The following GPC6 variants were observed in gnomAD, a reference collection of about 807,000 sequenced individuals.
The protein encoded by GPC6 is glypican-6.
In GPC6, 14 loss-of-function variants were observed where a neutral mutation model predicts 55.2. That is an observed-to-expected ratio of 0.25 (90% CI 0.17 to 0.40). GPC6 has a LOEUF of 0.40. Ranked by LOEUF, GPC6 falls within the 10% of genes least tolerant of loss-of-function variation. GPC6 has a pLI of 1.00. For synonymous variants in GPC6, 278 were observed against 259.6 expected (o/e 1.07, Z -0.68); for missense variants, 641 against 708.5 (o/e 0.90, Z 1.08).
At chr13:93,278,425 T>G (rs1360744397) in intron 1 of GPC6, among the ~76,000 whole-genome samples, 1 of 152,192 alleles carries the variant, frequency 6.6e-6, no homozygotes, top group East Asian at 1.9e-4. Context: ...ACATGGATTC[T>G]CCCTTTTTCT....
At chr13:93,973,183 T>C (rs1880364469) in intron 3 of GPC6, among the ~76,000 whole-genome samples, 1 of 152,184 alleles carries the variant, frequency 6.6e-6, no homozygotes, top group South Asian at 2.1e-4. Flanking sequence ...GGCTATGTGG[T>C]ATAACCTATT....
intron 4 of GPC6, among the ~76,000 whole-genome samples, chr13:94,222,791 G>A (rs1024286378): frequency 6.6e-6 from 1 of 152,048 alleles, no homozygotes; most frequent in Admixed American, 6.6e-5. Context: ...TCTGGCTGAA[G>A]GTCCAGTTCA....
chr13:93,363,128 T>G lies in GPC6; in HGVS notation c.160+135512T>G, dbSNP rs556451737. On this transcript the variant is annotated intron_variant, in intron 1 of 8. Transcript: ENST00000377047. ...TTTCCTTTTTTTTTGTTTTTTTTTT[T>G]GTTTTTTTTAAAATTATTATTATAC... is the stretch of plus-strand genomic sequence containing the variant. Among the ~76,000 whole-genome samples, 16 of 138,570 alleles carry G rather than the reference T, an allele frequency of 1.2e-4. No homozygotes were observed. The East Asian group carries it at 1.2e-3, about 10-fold the overall frequency. 90.9% of individuals were successfully genotyped at this position (138,570 alleles called of 152,430 possible).
rs146038028 is a variant in GPC6, at chr13:93,795,281, T to C, written c.320-34873T>C. Among the ~76,000 whole-genome samples the C allele has an allele frequency of 4.1e-3, 625 of 152,314 alleles. 4 individuals carry two copies. Among genetic ancestry groups the C allele is most frequent in the African/African-American group, 0.015 (608 of 41,568 alleles). Reference sequence around the variant, plus strand: ...TTACTATATTTTGCAAGAATCAATATTATTATCTTTAAAGCAAAATTAGGA... The same window carrying C: ...TTACTATATTTTGCAAGAATCAATACTATTATCTTTAAAGCAAAATTAGGA... On this transcript the variant is annotated intron_variant, in intron 2 of 8. Transcript: ENST00000377047.
Position 93,822,667 on chromosome 13 carries a change from A to G in GPC6, c.320-7487A>G, listed in dbSNP as rs549497781. Among the ~76,000 whole-genome samples, 180 of 149,814 alleles carry G rather than the reference A, an allele frequency of 1.2e-3. 3 individuals carry two copies. Among genetic ancestry groups the G allele is most frequent in the African/African-American group, 4.2e-3 (172 of 40,652 alleles). On this transcript the variant is annotated intron_variant, in intron 2 of 8. Coordinates refer to ENST00000377047, the MANE Select transcript of GPC6 (RefSeq NM_005708.5). ...TGTGTCCATGTGTTCTCATTGTACA[A>G]CTCCCACTTATGAGTGTGAACATGC...
At chr13:94,333,889 G>A (rs1484664341) in intron 6 of GPC6, among the ~76,000 whole-genome samples, 1 of 152,140 alleles carries the variant, frequency 6.6e-6, no homozygotes, top group Non-Finnish European at 1.5e-5. Flanking sequence ...CTATTAGGAT[G>A]GAGAAACTAT....
chr13:93,542,527 G>A (rs1349036294), intron 1 of GPC6, among the ~76,000 whole-genome samples: 2 of 152,230 alleles, frequency 1.3e-5, no homozygotes, highest in Middle Eastern at 3.4e-3. Flanking sequence ...GGTTCCATAT[G>A]AACTTTAAAG....
chr13:93,878,935 G>A (rs1387462720), intron 3 of GPC6, among the ~76,000 whole-genome samples: 2 of 152,012 alleles, frequency 1.3e-5, no homozygotes, highest in Non-Finnish European at 2.9e-5. Context: ...GCAAGAATTA[G>A]GAAAAGCAAA....
At chr13:93,978,715 C>T (rs1210626543) in intron 3 of GPC6, among the ~76,000 whole-genome samples, 2 of 152,080 alleles carry the variant, frequency 1.3e-5, no homozygotes, top group East Asian at 1.9e-4. Flanking sequence ...ACTTCCTTCT[C>T]TCAACTGAGG....
intron 3 of GPC6, among the ~76,000 whole-genome samples, chr13:93,899,445 G>GAA (rs796917504): frequency 2.9e-5 from 4 of 137,160 alleles, no homozygotes; most frequent in Admixed American, 7.4e-5. Flanking sequence ...TTGGATGAAG[G>GAA]AAAAAAAAAA....
chr13:93,666,151 C>G (rs1881124371), intron 2 of GPC6, among the ~76,000 whole-genome samples: 2 of 152,102 alleles, frequency 1.3e-5, no homozygotes, highest in Admixed American at 6.6e-5. Flanking sequence ...GGAGGGTGAT[C>G]AAGTGCTGGA....
At chr13:94,138,194 A>G (rs1291288500) in intron 4 of GPC6, among the ~76,000 whole-genome samples, 1 of 152,156 alleles carries the variant, frequency 6.6e-6, no homozygotes, top group African/African-American at 2.4e-5. Flanking sequence ...GGGTTTTCGG[A>G]TTAGGGATGC....
At chr13:94,350,070 A>C (rs957371445) in intron 6 of GPC6, among the ~76,000 whole-genome samples, 2 of 134,692 alleles carry the variant, frequency 1.5e-5, no homozygotes, top group African/African-American at 2.9e-5. Flanking sequence ...ATATATATAT[A>C]TCTTTTGTGT....
chr13:94,168,575 ACTTTTGCCTTCATG>A, intron 4 of GPC6, among the ~76,000 whole-genome samples: 1 of 151,496 alleles, frequency 6.6e-6, no homozygotes, highest in South Asian at 2.1e-4. Flanking sequence ...GGCCCTGGGC[ACTTTTGCCTTCATG>A]GGCACCTTCC....
intron 8 of GPC6, 101 bp from the exon 9 acceptor site, chr13:94,402,914 T>G: frequency 3.4e-6 from 3 of 886,036 alleles, no homozygotes; most frequent in Non-Finnish European, 5.7e-6. Flanking sequence ...CCCTGACAGG[T>G]GGGGATTATG....
At chr13:93,803,554 C>T (rs1476841007) in intron 2 of GPC6, among the ~76,000 whole-genome samples, 1 of 152,100 alleles carries the variant, frequency 6.6e-6, no homozygotes, top group Non-Finnish European at 1.5e-5. Flanking sequence ...CCTAGAATTA[C>T]CATATTCCCC....
At chr13:93,589,561 A>G (rs945533672) in intron 2 of GPC6, among the ~76,000 whole-genome samples, 3 of 152,130 alleles carry the variant, frequency 2.0e-5, no homozygotes, top group South Asian at 2.1e-4. Flanking sequence ...CTGGGGATCA[A>G]TTCCTCTTAT....
At chr13:93,764,983 T>C (rs1477074000) in intron 2 of GPC6, among the ~76,000 whole-genome samples, 2 of 151,996 alleles carry the variant, frequency 1.3e-5, no homozygotes, top group African/African-American at 4.8e-5. Flanking sequence ...GTATTTTTAG[T>C]AGAGACAGGG....
chr13:93,367,601 G>A (rs1881296823), intron 1 of GPC6, among the ~76,000 whole-genome samples: 1 of 151,926 alleles, frequency 6.6e-6, no homozygotes, highest in Non-Finnish European at 1.5e-5. Context: ...TTAACTGTGT[G>A]CCACAAATTT....
Sources: allele counts gnomAD v4.1 joint callset (sites outside exome capture counted in the v4.1 genomes callset), GRCh38; gene constraint gnomAD v4.1.1; transcripts MANE v1.5; gene names NCBI Gene and HGNC (gene_info 2026-07-23, HGNC 2026-07-21).